Variants in ARSB observed in about 807,000 individuals in gnomAD.
ARSB encodes arylsulfatase B.
A neutral mutation model predicts 50.9 loss-of-function variants in ARSB; 41 were observed. The observed-to-expected ratio is 0.81, with a 90% CI of 0.63 to 1.04. The LOEUF is 1.04. Among genes scored for constraint, ARSB ranks in the 50% least tolerant of loss-of-function variants. The pLI, the probability that ARSB is intolerant of heterozygous loss-of-function variation, is 0.00. For missense variants in ARSB, 672 were observed against 693.3 expected (o/e 0.97, Z 0.35); for synonymous variants, 269 against 284.8 (o/e 0.94, Z 0.56).
At chr5:78,849,205 C>A (rs545636192) in intron 5 of ARSB, among the ~76,000 whole-genome samples, 1 of 151,938 alleles carries the variant, frequency 6.6e-6, no homozygotes, top group Admixed American at 6.6e-5. Context: ...TTAGGTCTAA[C>A]GTTTAAGTCT....
At chr5:78,886,838 A>C (rs1561483194) in intron 4 of ARSB, among the ~76,000 whole-genome samples, 2 of 152,222 alleles carry the variant, frequency 1.3e-5, no homozygotes, top group Non-Finnish European at 2.9e-5. Context: ...GCTGTATAGA[A>C]TGTTACATAT....
At chr5:78,797,155 GGCGTGAGCC>G (rs1298132416) in intron 6 of ARSB, among the ~76,000 whole-genome samples, 2 of 152,220 alleles carry the variant, frequency 1.3e-5, no homozygotes, top group African/African-American at 4.8e-5. Flanking sequence ...TGGGATTACA[GGCGTGAGCC>G]ACCGCGCCCG....
chr5:78,948,572 T>C (rs922630875), intron 4 of ARSB, among the ~76,000 whole-genome samples: 1 of 152,204 alleles, frequency 6.6e-6, no homozygotes, highest in Non-Finnish European at 1.5e-5. Flanking sequence ...GGTTGTGATT[T>C]ATATGCAGTA....
At chr5:78,980,055 T>C (rs1431759398) in intron 1 of ARSB, among the ~76,000 whole-genome samples, 1 of 152,168 alleles carries the variant, frequency 6.6e-6, no homozygotes, top group South Asian at 2.1e-4. Context: ...TAAAGTCACA[T>C]AGATAATAAG....
At chr5:78,852,886 G>A (rs547518935) in intron 5 of ARSB, among the ~76,000 whole-genome samples, 33 of 152,024 alleles carry the variant, frequency 2.2e-4, no homozygotes, top group South Asian at 4.2e-4. Flanking sequence ...TGTAGTTCTC[G>A]AGCCTTGGCT....
intron 5 of ARSB, among the ~76,000 whole-genome samples, chr5:78,842,438 T>G (rs142356840): frequency 4.6e-5 from 7 of 152,130 alleles, no homozygotes; most frequent in African/African-American, 1.7e-4. Flanking sequence ...CAGGGCTGAA[T>G]GCCATATATA....
At chr5:78,939,039 G>A (rs752217157) in intron 4 of ARSB, among the ~76,000 whole-genome samples, 9 of 152,166 alleles carry the variant, frequency 5.9e-5, no homozygotes, top group East Asian at 1.9e-4. Context: ...TCTGCTCTCC[G>A]TCTCATGTGT....
At chr5:78,862,502 A>G (rs1410075113) in intron 5 of ARSB, among the ~76,000 whole-genome samples, 1 of 152,242 alleles carries the variant, frequency 6.6e-6, no homozygotes, top group East Asian at 1.9e-4. Flanking sequence ...AAATAAGGAA[A>G]GTATTCCCTA....
chr5:78,950,375 G>A (rs1751444559), intron 4 of ARSB, among the ~76,000 whole-genome samples: 1 of 152,154 alleles, frequency 6.6e-6, no homozygotes, highest in Non-Finnish European at 1.5e-5. Flanking sequence ...ATGACACAGA[G>A]CCCTTCACCT....
intron 4 of ARSB, among the ~76,000 whole-genome samples, chr5:78,945,808 T>C (rs1245320887): frequency 6.6e-6 from 1 of 152,152 alleles, no homozygotes; most frequent in African/African-American, 2.4e-5. Context: ...TCTCACAGGC[T>C]AGAATGCTGC....
chr5:78,935,060 A>G (rs1324767849), intron 4 of ARSB, among the ~76,000 whole-genome samples: 1 of 152,172 alleles, frequency 6.6e-6, no homozygotes, highest in Non-Finnish European at 1.5e-5. Context: ...CAAAAAAAGG[A>G]GATGAATTAA....
rs1753132404 is a variant in ARSB at position 78,985,231 on chromosome 5, C to CGCGCCGCGCGGACCCATCCTTGT, written c.-6_17dup (p.Ala7GlnfsTer57). 7.5e-7 allele frequency: 1 copy of CGCGCCGCGCGGACCCATCCTTGT among 1,328,948 alleles called. No individual in the cohort carries two copies. Among genetic ancestry groups the CGCGCCGCGCGGACCCATCCTTGT allele is most frequent in the South Asian group, 2.0e-5 (1 of 49,232 alleles). The allele number at this position is 1,328,948 out of a possible 1,614,324, so 82.3% of individuals were successfully genotyped here. On this transcript the variant is annotated frameshift_variant, in exon 1 of 8. Transcript: ENST00000264914. LOFTEE classifies it high-confidence loss of function. ...GTCCGGGGCCTCGGGGCAAGCTCGC[C>CGCGCCGCGCGGACCCATCCTTGT]GCGCCGCGCGGACCCATCCTTGTCC... is the stretch of plus-strand genomic sequence containing the variant.
At chr5:78,859,021 A>C (rs1746292631) in intron 5 of ARSB, among the ~76,000 whole-genome samples, 1 of 152,246 alleles carries the variant, frequency 6.6e-6, no homozygotes. Context: ...GATTTAAACC[A>C]GATCTAATCA....
In ARSB at chr5:78,973,353, A is replaced by G. The variant is rs76428771; in HGVS notation, c.313-4161T>C. 1.0e-2 allele frequency among the ~76,000 whole-genome samples: 1,520 copies of G among 152,274 alleles called. 31 individuals are homozygous for G. The highest frequency in any genetic ancestry group is 0.035 in the African/African-American group (1,443 of 41,548). ...AAACCAAATCTTCTCTCAAAAAACA[A>G]CTTCTCCTAAGATTTTACTTGACCA... On this transcript the variant is annotated intron_variant, in intron 1 of 7. Transcript: ENST00000264914.
chr5:78,839,308 T>C (rs752833901), intron 6 of ARSB, 48 bp downstream of exon 6: 5 of 1,564,396 alleles, frequency 3.2e-6, no homozygotes, highest in South Asian at 1.1e-5. Context: ...TCAAACCATC[T>C]TGGTGGGCCA....
At chr5:78,782,644 C>T (rs901408714) in intron 6 of ARSB, among the ~76,000 whole-genome samples, 1 of 152,146 alleles carries the variant, frequency 6.6e-6, no homozygotes, top group Non-Finnish European at 1.5e-5. Flanking sequence ...AATTACTAAT[C>T]TCTACCACCT....
At chr5:78,841,490 T>C (rs1215120243) in intron 5 of ARSB, among the ~76,000 whole-genome samples, 1 of 152,212 alleles carries the variant, frequency 6.6e-6, no homozygotes. Flanking sequence ...AGTAAAACTT[T>C]TGTGTTAAAT....
chr5:78,917,352 C>T (rs547067844), intron 4 of ARSB, among the ~76,000 whole-genome samples: 1 of 152,274 alleles, frequency 6.6e-6, no homozygotes, highest in African/African-American at 2.4e-5. Flanking sequence ...TTACTTCTCT[C>T]TCATTATCTG....
intron 6 of ARSB, 29 bp from the exon 7 acceptor site, chr5:78,782,003 A>G (rs1694173753): frequency 1.2e-6 from 2 of 1,613,864 alleles, no homozygotes; most frequent in South Asian, 1.1e-5. Context: ...AAAGAATTAG[A>G]TCACTGTTAT....
Sources: allele counts gnomAD v4.1 joint callset (sites outside exome capture counted in the v4.1 genomes callset), GRCh38; gene constraint gnomAD v4.1.1; transcripts MANE v1.5; gene names NCBI Gene and HGNC (gene_info 2026-07-23, HGNC 2026-07-21).